Variants in WDR5 observed in about 807,000 individuals in gnomAD.
The protein encoded by WDR5 is WD repeat-containing protein 5.
For missense variants in WDR5, 187 were observed against 416.9 expected (o/e 0.45, Z 4.80); for synonymous variants, 144 against 161.6 (o/e 0.89, Z 0.83).
intron 13 of WDR5, 113 bp downstream of exon 13, chr9:134,156,706 C>T (rs1271067788): frequency 1.9e-6 from 2 of 1,031,586 alleles, no homozygotes; most frequent in African/African-American, 3.2e-5. Flanking sequence ...CCCACCTCAG[C>T]CCTCCGCTGG....
intron 7 of WDR5, among the ~76,000 whole-genome samples, chr9:134,144,199 C>T (rs994866247): frequency 1.3e-5 from 2 of 152,258 alleles, no homozygotes; most frequent in Non-Finnish European, 2.9e-5. Context: ...CCACAAGACC[C>T]TCGCGGGCCC....
intron 11 of WDR5, 44 bp from the exon 12 acceptor site, chr9:134,155,649 G>C: frequency 6.3e-7 from 1 of 1,589,964 alleles, no homozygotes; most frequent in Non-Finnish European, 8.6e-7. Flanking sequence ...ACAAAATCAA[G>C]GGGAACCATG....
intron 8 of WDR5, among the ~76,000 whole-genome samples, chr9:134,151,577 T>G (rs1390889880): frequency 2.6e-5 from 4 of 152,186 alleles, no homozygotes; most frequent in Admixed American, 2.6e-4. Context: ...ATTTTTGTTT[T>G]GAAAGAAGCC....
rs992653300 is a variant in WDR5, at chr9:134,158,251, T to G, written c.*258T>G. ...CCTAGTCTATTGTGTTCAAACAGAG[T>G]CAACAAAAGTTTTTAATTTTTTATT... On this transcript the variant is annotated 3_prime_UTR_variant, in exon 14 of 14. Coordinates refer to ENST00000358625, the MANE Select transcript of WDR5 (RefSeq NM_017588.3). The G allele has an allele frequency of 6.0e-6, 2 of 333,684 alleles. No homozygotes were observed. The highest frequency in any genetic ancestry group is 5.5e-6 in the Non-Finnish European group (1 of 183,124). 20.7% of individuals were successfully genotyped at this position (333,684 alleles called of 1,614,324 possible). A position where few individuals can be genotyped will look rare whatever the true frequency, so the allele number is the denominator to read the frequency against.
chr9:134,146,291 G>C (rs1468728240), intron 7 of WDR5, among the ~76,000 whole-genome samples: 2 of 151,076 alleles, frequency 1.3e-5, no homozygotes, highest in African/African-American at 4.9e-5. Context: ...CTGGAATACA[G>C]TGACGCGATC....
In WDR5 at chr9:134,157,078, C is replaced by T. The variant is rs553597637; in HGVS notation, c.904+485C>T. Among the ~76,000 whole-genome samples the T allele has an allele frequency of 3.2e-4, 48 of 152,208 alleles. No individual in the cohort carries two copies. Among genetic ancestry groups the T allele is most frequent in the African/African-American group, 1.0e-3 (42 of 41,544 alleles). On this transcript the variant is annotated intron_variant, in intron 13 of 13. Transcript: ENST00000358625. The surrounding 1 kb of genome is among the most constrained non-coding windows in gnomAD (Gnocchi z 5.0). ...CTGGGGTTGCCACCTCTGTGGGTCC[C>T]GGCTGCCCTCTGCAGCCGCCGCTAC...
Position 134,141,568 on chromosome 9 carries a change from A to G in WDR5, c.249A>G (p.Ile83Met). Residue 83 changes from isoleucine (I) to methionine (M), a missense_variant, in exon 4 of 14, where the codon ATA (isoleucine) becomes ATG (methionine). Transcript: ENST00000358625. ...GAYDGKFEKT[I>M]SGHKLGISDV... ...ATGATGGGAAATTTGAGAAAACCAT[A>G]TCTGGTCACAAGCTGGTAGGTTTCA... 1.2e-6 allele frequency: 2 copies of G among 1,614,140 alleles called. No individual in the cohort carries two copies. The highest frequency in any genetic ancestry group is 1.7e-6 in the Non-Finnish European group (2 of 1,180,000).
chr9:134,157,934 A>G lies in WDR5; in HGVS notation c.946A>G (p.Ile316Val). ...AGCTTGTCACCCAACAGAAAACATC[A>G]TCGCCTCTGCTGCGCTAGAAAATGA... ...STACHPTENI[I>V]ASAALENDKT... Residue 316 changes from isoleucine (I) to valine (V), a missense_variant, in exon 14 of 14, where the codon ATC becomes GTC. Physicochemically the swap from Ile to Val is conservative, Grantham distance 29. Coordinates refer to ENST00000358625, the MANE Select transcript of WDR5 (RefSeq NM_017588.3). This position sits in a 1 kb window ranked among gnomAD's most constrained non-coding sequence, Gnocchi z 5.0. The G allele has an allele frequency of 3.1e-6, 5 of 1,614,160 alleles. No homozygotes were observed. Among genetic ancestry groups the G allele is most frequent in the Non-Finnish European group, 3.4e-6 (4 of 1,180,000 alleles).
intron 8 of WDR5, among the ~76,000 whole-genome samples, chr9:134,149,173 T>G (rs1383696411): frequency 6.6e-6 from 1 of 152,088 alleles, no homozygotes; most frequent in Non-Finnish European, 1.5e-5. Flanking sequence ...GGGGTCACAG[T>G]CTGTAGTCGC....
Position 134,136,083 on chromosome 9 carries a change from C to T in WDR5, c.-176C>T, listed in dbSNP as rs913439301. On this transcript the variant is annotated 5_prime_UTR_variant, in exon 1 of 14. Coordinates refer to ENST00000358625, the MANE Select transcript of WDR5 (RefSeq NM_017588.3). ...CCTCCCCTCGCGCACGCGCACTGCG[C>T]CCCCGCCGCCTGGCGCCCGCCCGAG... 1 of 149,300 alleles carries T rather than the reference C, an allele frequency of 6.7e-6. No homozygotes were observed. The highest frequency in any genetic ancestry group is 2.4e-5 in the African/African-American group (1 of 40,918). 9.2% of individuals were successfully genotyped at this position (149,300 alleles called of 1,614,324 possible).
At chr9:134,145,941 T>C (rs1016141973) in intron 7 of WDR5, among the ~76,000 whole-genome samples, 6 of 147,988 alleles carry the variant, frequency 4.1e-5, no homozygotes, top group South Asian at 2.1e-4. Flanking sequence ...TTCTTTCTTT[T>C]TTTTTTTTTT....
chr9:134,142,647 C>T lies in WDR5; in HGVS notation c.456C>T (p.Ser152=), dbSNP rs749466002. 143 of 1,614,062 alleles carry T rather than the reference C, an allele frequency of 8.9e-5. No individual in the cohort carries two copies. Among genetic ancestry groups the T allele is most frequent in the South Asian group, 2.1e-4 (19 of 91,086 alleles). The change falls in exon 7 of 14, where the codon AGC becomes AGT. Residue 152 remains serine, a synonymous_variant. Coordinates refer to ENST00000358625, the MANE Select transcript of WDR5 (RefSeq NM_017588.3). ...NLIVSGSFDE[S]VRIWDVKTGK... ...TCTTTTGTGTTCAGTTTGACGAAAG[C>T]GTGAGGATATGGGATGTGAAAACAG...
At chr9:134,137,674 A>AAAC (rs1831639285) in intron 1 of WDR5, among the ~76,000 whole-genome samples, 2 of 143,822 alleles carry the variant, frequency 1.4e-5, no homozygotes, top group Non-Finnish European at 3.1e-5. Flanking sequence ...TCTCAAAAAA[A>AAAC]AAACAAAAAC....
At chr9:134,152,402 C>G (rs189988579) in intron 9 of WDR5, among the ~76,000 whole-genome samples, 2 of 152,182 alleles carry the variant, frequency 1.3e-5, no homozygotes, top group Non-Finnish European at 2.9e-5. Flanking sequence ...GAGTGCCTGC[C>G]CATCTGCTGG....
intron 7 of WDR5, 30 bp downstream of exon 7, chr9:134,142,749 G>T (rs758379661): frequency 1.9e-6 from 3 of 1,608,152 alleles, no homozygotes; most frequent in Admixed American, 3.3e-5. Context: ...ATGGGGTGGT[G>T]TCCAGCACTA....
At chr9:134,136,875 C>G (rs1037948052) in intron 1 of WDR5, among the ~76,000 whole-genome samples, 1 of 152,204 alleles carries the variant, frequency 6.6e-6, no homozygotes, top group Non-Finnish European at 1.5e-5. Context: ...CACCCCGGTC[C>G]GTTTACCCAT....
chr9:134,150,781 G>C (rs778050318), intron 8 of WDR5, among the ~76,000 whole-genome samples: 1 of 152,154 alleles, frequency 6.6e-6, no homozygotes, highest in African/African-American at 2.4e-5. Context: ...CAGCTCTGGA[G>C]TCTGGGCCTG....
intron 1 of WDR5, among the ~76,000 whole-genome samples, chr9:134,136,600 C>T (rs945145186): frequency 1.3e-5 from 2 of 152,128 alleles, no homozygotes; most frequent in African/African-American, 2.4e-5. Context: ...GGTGCGCTTC[C>T]CCTCCTCGTA....
At chr9:134,141,866 A>G (rs536348650) in intron 4 of WDR5, 83 bp from the exon 5 acceptor site, 40 of 1,351,940 alleles carry the variant, frequency 3.0e-5, no homozygotes, top group African/African-American at 7.2e-5. Flanking sequence ...CCTGAGGGCA[A>G]TGGGGATGTT....
Sources: allele counts gnomAD v4.1 joint callset (sites outside exome capture counted in the v4.1 genomes callset), GRCh38; gene constraint gnomAD v4.1.1; non-coding constraint Gnocchi (gnomAD v3.1); transcripts MANE v1.5; gene names NCBI Gene and HGNC (gene_info 2026-07-23, HGNC 2026-07-21).